UTRN: variants seen among roughly 807,000 people sequenced by gnomAD.
UTRN encodes the protein utrophin.
A neutral mutation model predicts 463.9 loss-of-function variants in UTRN; 283 were observed. The ratio of observed to expected loss-of-function variants is 0.61; its 90% CI spans 0.55 to 0.67. The LOEUF is 0.67. UTRN is among the 30% of genes least tolerant of loss of function. The probability of loss-of-function intolerance (pLI) is 0.00; values close to 1 mark genes in which losing one functional copy is unlikely to be tolerated. For missense variants in UTRN, 3,922 were observed against 4,084.3 expected, an observed-to-expected ratio of 0.96 and a Z score of 1.08; for synonymous variants, 1,442 against 1,431.5, an observed-to-expected ratio of 1.01 and a Z score of -0.17.
chr6:144,442,433 C>T (rs184913313), intron 13 of UTRN, among the ~76,000 whole-genome samples: 1 of 152,288 alleles, frequency 6.6e-6, no homozygotes, highest in East Asian at 1.9e-4. Context: ...AACAGCACCC[C>T]ACTCTACTGG....
intron 60 of UTRN, among the ~76,000 whole-genome samples, chr6:144,775,149 C>A (rs937488834): frequency 6.6e-6 from 1 of 152,086 alleles, no homozygotes; most frequent in Non-Finnish European, 1.5e-5. Context: ...TGTTAATATA[C>A]GTCTAGGCAG....
intron 40 of UTRN, 64 bp from the exon 41 acceptor site, chr6:144,522,952 C>T: frequency 8.4e-7 from 1 of 1,183,618 alleles, no homozygotes; most frequent in South Asian, 1.7e-5. Flanking sequence ...AATATCTGGT[C>T]ATCTGTGATT....
chr6:144,565,056 G>C (rs1350865851), intron 50 of UTRN, among the ~76,000 whole-genome samples: 1 of 152,156 alleles, frequency 6.6e-6, no homozygotes, highest in Non-Finnish European at 1.5e-5. Context: ...GTCCAACTGG[G>C]ACATGGTGGT....
At chr6:144,840,349 A>G (rs1020351710) in intron 72 of UTRN, among the ~76,000 whole-genome samples, 2 of 152,132 alleles carry the variant, frequency 1.3e-5, no homozygotes, top group Non-Finnish European at 2.9e-5. Context: ...GAAGTCTCCA[A>G]AAAGAAAGGA....
chr6:144,406,954 G>T (rs1347042219), intron 3 of UTRN, among the ~76,000 whole-genome samples: 3 of 151,728 alleles, frequency 2.0e-5, no homozygotes, highest in Non-Finnish European at 4.4e-5. Context: ...ATCCCGGTGG[G>T]CCCTCCCTGG....
At chr6:144,804,841 C>A (rs909459036) in intron 65 of UTRN, among the ~76,000 whole-genome samples, 3 of 152,148 alleles carry the variant, frequency 2.0e-5, no homozygotes, top group Non-Finnish European at 4.4e-5. Context: ...CCATTGTAAA[C>A]CCTTTCCAGT....
intron 10 of UTRN, among the ~76,000 whole-genome samples, chr6:144,436,826 A>G (rs977140288): frequency 4.6e-5 from 6 of 130,740 alleles, no homozygotes; most frequent in African/African-American, 1.8e-4. Context: ...AAATAAATAT[A>G]TATTTTATTT....
At chr6:144,513,181 G>A (rs1465921454) in intron 35 of UTRN, among the ~76,000 whole-genome samples, 1 of 152,184 alleles carries the variant, frequency 6.6e-6, no homozygotes, top group Admixed American at 6.5e-5. Flanking sequence ...CAAAGGCACT[G>A]TCCTTTGAGC....
chr6:144,641,836 G>T (rs982661965), intron 51 of UTRN, among the ~76,000 whole-genome samples: 1 of 152,188 alleles, frequency 6.6e-6, no homozygotes, highest in Non-Finnish European at 1.5e-5. Flanking sequence ...TAAAGCGGTT[G>T]ATTAGTGATT....
rs1161418624 is a variant in UTRN at position 144,732,257 on chromosome 6, TAC to T, written c.7939+1777_7939+1778del. Among the ~76,000 whole-genome samples, 134 of 85,456 alleles carry T rather than the reference TAC, an allele frequency of 1.6e-3. 2 individuals carry two copies. The highest frequency in any genetic ancestry group is 5.5e-3 in the African/African-American group (108 of 19,772). 56.1% of individuals were successfully genotyped at this position (85,456 alleles called of 152,430 possible). On this transcript the variant is annotated intron_variant, in intron 54 of 74. Transcript: ENST00000367545. ...ATATATACATATATATATATATATATACACACATATATATATATATACACACA... is the reference window on the plus strand; with the variant it reads ...ATATATACATATATATATATATATATACACATATATATATATATACACACA...
At chr6:144,623,437 G>T (rs1182165765) in intron 51 of UTRN, among the ~76,000 whole-genome samples, 2 of 152,152 alleles carry the variant, frequency 1.3e-5, no homozygotes, top group East Asian at 3.9e-4. Context: ...TTTTGTAAAT[G>T]ACTTTAAATG....
chr6:144,472,572 G>T (rs752007009), intron 23 of UTRN, among the ~76,000 whole-genome samples: 3 of 152,108 alleles, frequency 2.0e-5, no homozygotes, highest in Non-Finnish European at 4.4e-5. Flanking sequence ...ATTAAAAATT[G>T]ATGTAGTTTC....
At chr6:144,556,834 T>C (rs544493118) in intron 49 of UTRN, among the ~76,000 whole-genome samples, 3 of 152,314 alleles carry the variant, frequency 2.0e-5, no homozygotes. Context: ...ATGACGCATG[T>C]CCGTGTAAGG....
At chr6:144,317,465 C>T (rs1212588668) in intron 2 of UTRN, among the ~76,000 whole-genome samples, 1 of 152,162 alleles carries the variant, frequency 6.6e-6, no homozygotes, top group Non-Finnish European at 1.5e-5. Flanking sequence ...GGGGCCATCT[C>T]GGCTCACTGC....
chr6:144,575,431 G>T (rs548870780), intron 50 of UTRN, among the ~76,000 whole-genome samples: 296 of 152,176 alleles, frequency 1.9e-3, no homozygotes, highest in African/African-American at 6.7e-3. Context: ...GAAAAAATAC[G>T]TGTAAATAAA....
At chr6:144,664,853 C>T (rs906406317) in intron 51 of UTRN, among the ~76,000 whole-genome samples, 5 of 151,340 alleles carry the variant, frequency 3.3e-5, no homozygotes. Context: ...ATGTTATTTG[C>T]CTATTCTATT....
In UTRN at chr6:144,816,732, C is replaced by A. The variant is rs973909354; in HGVS notation, c.9358-4150C>A. Among the ~76,000 whole-genome samples the A allele has an allele frequency of 3.0e-5, 3 of 100,380 alleles. No individual in the cohort carries two copies. In the Admixed American group the frequency reaches 3.6e-4, roughly 12 times the overall value. 65.9% of individuals were successfully genotyped at this position (100,380 alleles called of 152,430 possible). A position where few individuals can be genotyped will look rare whatever the true frequency, so the allele number is the denominator to read the frequency against. ...ACGTGCTGTCATGCCTAGCTTTTTTCCTTTTTTTTTTTTTTTAAATTTTTT... is the reference window on the plus strand; with the variant it reads ...ACGTGCTGTCATGCCTAGCTTTTTTACTTTTTTTTTTTTTTTAAATTTTTT... On this transcript the variant is annotated intron_variant, in intron 65 of 74. Transcript: ENST00000367545.
At position 144,286,260 on chromosome 6, in the gene UTRN, AC is replaced by A. The variant is rs1803646894; in HGVS notation, c.-93+442del. Among the ~76,000 whole-genome samples, 1 of 152,122 alleles carries A rather than the reference AC, an allele frequency of 6.6e-6. No homozygotes were observed. Among genetic ancestry groups the A allele is most frequent in the African/African-American group, 2.4e-5 (1 of 41,428 alleles). On this transcript the variant is annotated intron_variant, in intron 1 of 74. Coordinates refer to ENST00000367545, the MANE Select transcript of UTRN (RefSeq NM_007124.3). The surrounding 1 kb of genome is among the most constrained non-coding windows in gnomAD (Gnocchi z 4.4). ...CCTCTTAGGAGAGTCTGTCACAGAC[AC>A]CCGGGCCCGGGGAAGGCGGGGCTCC...
At chr6:144,492,286 G>A (rs1426221357) in intron 32 of UTRN, among the ~76,000 whole-genome samples, 1 of 152,086 alleles carries the variant, frequency 6.6e-6, no homozygotes, top group African/African-American at 2.4e-5. Context: ...TTGGTTTTCT[G>A]TTCCTGAATT....
Sources: gnomAD v4.1 joint callset for allele counts (sites outside exome capture counted in the v4.1 genomes callset) on GRCh38, gnomAD v4.1.1 for gene constraint, Gnocchi (gnomAD v3.1) non-coding constraint, MANE v1.5 for transcripts, NCBI Gene and HGNC (gene_info 2026-07-23, HGNC 2026-07-21) for gene names.